TMEM132D: variants seen among roughly 807,000 people sequenced by gnomAD.
TMEM132D encodes mature OL transmembrane protein.
In TMEM132D, 21 loss-of-function variants were observed where a neutral mutation model predicts 62.3. That is an observed-to-expected ratio of 0.34 (90% CI 0.24 to 0.49). The LOEUF (loss-of-function observed/expected upper bound fraction) is 0.49, where lower values mean the gene tolerates loss of function less well. Ranked by LOEUF, TMEM132D falls within the 20% of genes least tolerant of loss-of-function variation. TMEM132D has a pLI of 0.99. For synonymous variants in TMEM132D, 621 were observed against 575.6 expected, an observed-to-expected ratio of 1.08 and a Z score of -1.13; for missense variants, 1,346 against 1,402.8, an observed-to-expected ratio of 0.96 and a Z score of 0.65.
At chr12:129,797,299 T>C (rs1287269906) in intron 1 of TMEM132D, among the ~76,000 whole-genome samples, 1 of 152,210 alleles carries the variant, frequency 6.6e-6, no homozygotes, top group Non-Finnish European at 1.5e-5. Context: ...GTGAATTCAC[T>C]GCCCTTTGGA....
Position 129,407,723 on chromosome 12 carries a change from G to A in TMEM132D, c.1116-69906C>T, listed in dbSNP as rs571637381. 2.0e-5 allele frequency among the ~76,000 whole-genome samples: 3 copies of A among 151,804 alleles called. No individual in the cohort carries two copies. In the East Asian group the frequency reaches 5.8e-4, roughly 30 times the overall value. On this transcript the variant is annotated intron_variant, in intron 3 of 8. Transcript: ENST00000422113. ...AGATCGAGACCATCCTGGCTAACACGGTGAAACCCTGTCTCTACTAAAAAA... is the reference window on the plus strand; with the variant it reads ...AGATCGAGACCATCCTGGCTAACACAGTGAAACCCTGTCTCTACTAAAAAA...
In TMEM132D at chr12:129,073,732, G is replaced by A. The variant is rs909765418; in HGVS notation, c.*143C>T. 23 of 714,878 alleles carry A rather than the reference G, an allele frequency of 3.2e-5. No individual in the cohort carries two copies. Among genetic ancestry groups the A allele is most frequent in the Middle Eastern group, 4.0e-4 (1 of 2,474 alleles). The allele number at this position is 714,878 out of a possible 1,614,324, so 44.3% of individuals were successfully genotyped here. A position where few individuals can be genotyped will look rare whatever the true frequency, so the allele number is the denominator to read the frequency against. On this transcript the variant is annotated 3_prime_UTR_variant, in exon 9 of 9. Transcript: ENST00000422113. ...GGACTCCAGGCCTCGCCGCCGAGCC[G>A]GGGTCATTGGCTGAGGCTGTATGGA...
intron 2 of TMEM132D, among the ~76,000 whole-genome samples, chr12:129,583,338 AG>A (rs1347380900): frequency 1.3e-5 from 2 of 152,112 alleles, no homozygotes; most frequent in African/African-American, 2.4e-5. Flanking sequence ...GTGGAGAGGG[AG>A]GGAGGTGAGG....
chr12:129,893,412 AC>A (rs1227573910), intron 1 of TMEM132D, among the ~76,000 whole-genome samples: 3 of 28,044 alleles, frequency 1.1e-4, no homozygotes, highest in Non-Finnish European at 1.5e-4. Flanking sequence ...CACCCTACCC[AC>A]CCTGCTCAGC....
At chr12:129,508,607 C>T (rs371439322) in intron 3 of TMEM132D, among the ~76,000 whole-genome samples, 1 of 152,122 alleles carries the variant, frequency 6.6e-6, no homozygotes, top group Non-Finnish European at 1.5e-5. Flanking sequence ...CTTGTCCTTA[C>T]ATTTCCTCCC....
rs556640869 is a variant in TMEM132D, at chr12:129,135,521, G to A, written c.1444-50819C>T. ...GCTGGCACAAGTGGGTGATGCATAA[G>A]TGCATAAGGTTTTATCTGAGCATAA... On this transcript the variant is annotated intron_variant, in intron 5 of 8. Coordinates refer to ENST00000422113, the MANE Select transcript of TMEM132D (RefSeq NM_133448.3). Among the ~76,000 whole-genome samples, 457 of 152,314 alleles carry A rather than the reference G, an allele frequency of 3.0e-3. 2 individuals are homozygous for A. The highest frequency in any genetic ancestry group is 5.4e-3 in the South Asian group (26 of 4,824).
At chr12:129,478,897 C>G (rs1593029700) in intron 3 of TMEM132D, among the ~76,000 whole-genome samples, 1 of 152,276 alleles carries the variant, frequency 6.6e-6, no homozygotes, top group East Asian at 1.9e-4. Flanking sequence ...CCCCTCCAAA[C>G]TCACACTGAC....
At chr12:129,087,963 G>GAT (rs1874694154) in intron 5 of TMEM132D, among the ~76,000 whole-genome samples, 4 of 109,996 alleles carry the variant, frequency 3.6e-5, no homozygotes, top group Non-Finnish European at 8.0e-5. Flanking sequence ...CCCTGACCGG[G>GAT]GTGTCCTCCA....
Position 129,368,592 on chromosome 12 carries a change from T to A in TMEM132D, c.1116-30775A>T, listed in dbSNP as rs375541633. 2.6e-4 allele frequency among the ~76,000 whole-genome samples: 40 copies of A among 152,224 alleles called. No individual in the cohort carries two copies. The East Asian group carries it at 7.0e-3, about 27-fold the overall frequency. On this transcript the variant is annotated intron_variant, in intron 3 of 8. Coordinates refer to ENST00000422113, the MANE Select transcript of TMEM132D (RefSeq NM_133448.3). ...TGAACTGTTACTTATTATTATTATT[T>A]TTTTTACACTCCACCATACAGACCC...
intron 1 of TMEM132D, among the ~76,000 whole-genome samples, chr12:129,702,388 T>TGCC (rs1881404301): frequency 6.6e-6 from 1 of 152,240 alleles, no homozygotes; most frequent in Admixed American, 6.5e-5. Context: ...GATTACATGT[T>TGCC]TTAACTTTAT....
chr12:129,451,736 T>G (rs376787063), intron 3 of TMEM132D, among the ~76,000 whole-genome samples: 1 of 152,160 alleles, frequency 6.6e-6, no homozygotes, highest in African/African-American at 2.4e-5. Flanking sequence ...GGCAGCTTCA[T>G]GATATCAACA....
intron 1 of TMEM132D, among the ~76,000 whole-genome samples, chr12:129,741,308 T>C (rs1869596968): frequency 6.6e-6 from 1 of 152,182 alleles, no homozygotes; most frequent in Non-Finnish European, 1.5e-5. Flanking sequence ...CTGTCAACTA[T>C]GGGTATTAAC....
chr12:129,591,461 T>C (rs571627195), intron 2 of TMEM132D, among the ~76,000 whole-genome samples: 2 of 152,204 alleles, frequency 1.3e-5, no homozygotes, highest in South Asian at 4.1e-4. Context: ...TTCCATTCTT[T>C]CTTTCTGAAA....
At position 129,166,688 on chromosome 12, in the gene TMEM132D, TAC is replaced by T. The variant is rs199938469; in HGVS notation, c.1443+42830_1443+42831del. ...CTACGCAAGGACATATATATACACA[TAC>T]ACACACACACACACACACACACATA... is the stretch of plus-strand genomic sequence containing the variant. On this transcript the variant is annotated intron_variant, in intron 5 of 8. Coordinates refer to ENST00000422113, the MANE Select transcript of TMEM132D (RefSeq NM_133448.3). 4.1e-3 allele frequency among the ~76,000 whole-genome samples: 428 copies of T among 104,598 alleles called. 11 individuals are homozygous for T. In the East Asian group the frequency reaches 0.094, roughly 23 times the overall value. 68.6% of individuals were successfully genotyped at this position (104,598 alleles called of 152,430 possible). A position where few individuals can be genotyped will look rare whatever the true frequency, so the allele number is the denominator to read the frequency against.
At chr12:129,845,941 G>A (rs957523166) in intron 1 of TMEM132D, among the ~76,000 whole-genome samples, 1 of 152,224 alleles carries the variant, frequency 6.6e-6, no homozygotes, top group African/African-American at 2.4e-5. Context: ...TAAGGGGCAA[G>A]TTATGCAGCA....
At chr12:129,104,077 T>C (rs1198866397) in intron 5 of TMEM132D, among the ~76,000 whole-genome samples, 2 of 150,504 alleles carry the variant, frequency 1.3e-5, no homozygotes, top group Non-Finnish European at 3.0e-5. Context: ...AGAGCCTGCA[T>C]CGCCAAGTCA....
chr12:129,504,881 G>A (rs1190499322), intron 3 of TMEM132D, among the ~76,000 whole-genome samples: 3 of 152,086 alleles, frequency 2.0e-5, no homozygotes, highest in African/African-American at 7.2e-5. Context: ...CACTGCCTTT[G>A]CTGTATCCCA....
At chr12:129,339,800 A>G (rs1421844531) in intron 3 of TMEM132D, among the ~76,000 whole-genome samples, 2 of 152,212 alleles carry the variant, frequency 1.3e-5, no homozygotes, top group African/African-American at 4.8e-5. Context: ...ATCACAAAGA[A>G]AGGAATTTAT....
chr12:129,311,544 T>G (rs79988286), intron 4 of TMEM132D, among the ~76,000 whole-genome samples: 32,363 of 152,018 alleles, frequency 0.21, 4,335 homozygotes, highest in East Asian at 0.41. Context: ...TTTAAAAAAA[T>G]TAGAATCGAG....
Sources: gnomAD v4.1 joint callset for allele counts (sites outside exome capture counted in the v4.1 genomes callset) on GRCh38, gnomAD v4.1.1 for gene constraint, MANE v1.5 for transcripts, NCBI Gene and HGNC (gene_info 2026-07-23, HGNC 2026-07-21) for gene names.